CLIP2: variants seen among roughly 807,000 people sequenced by gnomAD.
The protein encoded by CLIP2 is CAP-Gly domain-containing linker protein 2.
A neutral mutation model predicts 111.7 loss-of-function variants in CLIP2; 41 were observed. That is an observed-to-expected ratio of 0.37 (90% confidence interval 0.29 to 0.48). The LOEUF (loss-of-function observed/expected upper bound fraction) is 0.48, where lower values mean the gene tolerates loss of function less well. Among genes scored for constraint, CLIP2 ranks in the 20% least tolerant of loss-of-function variants. CLIP2 has a pLI of 0.99. For synonymous variants in CLIP2, 660 were observed against 644.2 expected (o/e 1.02, Z -0.37); for missense variants, 1,160 against 1,422.1 (o/e 0.82, Z 2.96).
chr7:74,343,433 C>T (rs1235300121), intron 3 of CLIP2, among the ~76,000 whole-genome samples: 2 of 152,086 alleles, frequency 1.3e-5, no homozygotes, highest in African/African-American at 4.8e-5. Context: ...GGGGTGGGTA[C>T]AGCAGGGAAA....
At chr7:74,358,355 T>C (rs1790209286) in intron 6 of CLIP2, among the ~76,000 whole-genome samples, 1 of 151,922 alleles carries the variant, frequency 6.6e-6, no homozygotes, top group South Asian at 2.1e-4. Context: ...CCAGCCCTGC[T>C]TTTTTATTTT....
intron 12 of CLIP2, among the ~76,000 whole-genome samples, 161 bp downstream of exon 12, chr7:74,386,765 G>A (rs556419738): frequency 3.5e-4 from 53 of 152,200 alleles, no homozygotes; most frequent in African/African-American, 1.2e-3. Context: ...GCTCGCGCCT[G>A]TAATCCCAGC....
In CLIP2 at chr7:74,334,273, C is replaced by T. The variant is rs186405687; in HGVS notation, c.122-4175C>T. Among the ~76,000 whole-genome samples, 27 of 152,258 alleles carry T rather than the reference C, an allele frequency of 1.8e-4. No homozygotes were observed. In the East Asian group the frequency reaches 4.4e-3, roughly 25 times the overall value. ...CTGTGATGCGGGGGCAGCCGAGAGT[C>T]CCACTACTCAGAGGAAGAATGAAGC... On this transcript the variant is annotated intron_variant, in intron 2 of 16. Transcript: ENST00000223398.
intron 8 of CLIP2, 98 bp from the exon 9 acceptor site, chr7:74,372,834 C>G: frequency 1.6e-6 from 1 of 634,206 alleles, no homozygotes; most frequent in African/African-American, 1.8e-5. Context: ...CTCTCTCTCT[C>G]TCTCTCTTTC....
chr7:74,354,184 C>G (rs922401610), intron 4 of CLIP2, among the ~76,000 whole-genome samples, 180 bp downstream of exon 4: 20 of 152,254 alleles, frequency 1.3e-4, no homozygotes, highest in Admixed American at 1.3e-3. Context: ...GATTATCATC[C>G]CATTTTACAG....
rs1353339709 is a variant in CLIP2, at chr7:74,362,636, G to A, written c.1320-1619G>A. 2.7e-5 allele frequency among the ~76,000 whole-genome samples: 4 copies of A among 146,070 alleles called. No individual in the cohort carries two copies. In the East Asian group the frequency reaches 6.3e-4, roughly 23 times the overall value. On this transcript the variant is annotated intron_variant, in intron 7 of 16. Coordinates refer to ENST00000223398, the MANE Select transcript of CLIP2 (RefSeq NM_003388.5). ...CTGCAACCTCCACCTCCAGGTTCAAGCAATTCTCCTGCCTCAGCCTCCCAA... is the reference window on the plus strand; with the variant it reads ...CTGCAACCTCCACCTCCAGGTTCAAACAATTCTCCTGCCTCAGCCTCCCAA...
At chr7:74,317,688 G>A (rs373451675) in intron 2 of CLIP2, 21 bp downstream of exon 2, 1 of 1,421,562 alleles carries the variant, frequency 7.0e-7, no homozygotes, top group Non-Finnish European at 9.2e-7. Context: ...CACCAAGGAT[G>A]GGGGGTGAGG....
chr7:74,302,884 G>A (rs1164513912), intron 1 of CLIP2, among the ~76,000 whole-genome samples: 3 of 152,226 alleles, frequency 2.0e-5, no homozygotes, highest in African/African-American at 4.8e-5. Context: ...GCCAATGGGT[G>A]CTCTCAGGGC....
intron 2 of CLIP2, among the ~76,000 whole-genome samples, chr7:74,336,847 GTTTGT>G (rs1564048897): frequency 2.1e-4 from 5 of 23,544 alleles, no homozygotes; most frequent in African/African-American, 3.6e-4. Flanking sequence ...TACTATGGTT[GTTTGT>G]TTTTTTTGTT....
At chr7:74,319,256 T>C (rs1258305877) in intron 2 of CLIP2, among the ~76,000 whole-genome samples, 1 of 152,168 alleles carries the variant, frequency 6.6e-6, no homozygotes, top group Non-Finnish European at 1.5e-5. Flanking sequence ...CTCATGCCTG[T>C]AATCCCAGCA....
chr7:74,342,770 G>A (rs1198658729), intron 3 of CLIP2, among the ~76,000 whole-genome samples: 1 of 152,144 alleles, frequency 6.6e-6, no homozygotes, highest in Non-Finnish European at 1.5e-5. Context: ...CATGGTGGCC[G>A]GGCGCGGTGG....
intron 2 of CLIP2, among the ~76,000 whole-genome samples, chr7:74,318,232 A>C (rs1371145677): frequency 2.0e-5 from 3 of 152,024 alleles, no homozygotes; most frequent in African/African-American, 7.2e-5. Flanking sequence ...TCATGCGTAC[A>C]GAAGAGGGAG....
chr7:74,323,677 C>T (rs763906501), intron 2 of CLIP2, among the ~76,000 whole-genome samples: 2 of 152,258 alleles, frequency 1.3e-5, no homozygotes, highest in South Asian at 2.1e-4. Context: ...CTGCCTGCCT[C>T]GGCCTCCCAA....
At position 74,400,539 on chromosome 7, in the gene CLIP2, G is replaced by T; in HGVS notation, c.3050G>T (p.Cys1017Phe). ...AAGCTGATGGAGGCCATGAGGAGCT[G>T]CCCTGACAAGGCCCAGGTGAGCCGC... Reference protein sequence around the residue: ...VEKLMEAMRSCPDKAQTIGNS... With the variant: ...VEKLMEAMRSFPDKAQTIGNS... The change falls in exon 15 of 17, where the codon TGC becomes TTC. Residue 1017 changes from cysteine (C) to phenylalanine (F), a missense_variant. This residue lies in a region of CLIP2 where 676 missense variants were observed against 777.8 expected (regional missense o/e 0.87). Transcript: ENST00000223398. 6.3e-7 allele frequency: 1 copy of T among 1,587,366 alleles called. No individual in the cohort carries two copies. Among genetic ancestry groups the T allele is most frequent in the East Asian group, 2.3e-5 (1 of 43,346 alleles).
At chr7:74,392,360 AAAAAG>A (rs1791315844) in intron 13 of CLIP2, among the ~76,000 whole-genome samples, 1 of 149,804 alleles carries the variant, frequency 6.7e-6, no homozygotes, top group Admixed American at 6.7e-5. Context: ...CAAAAAAAAA[AAAAAG>A]AAAAGGAAAG....
At chr7:74,383,375 T>C (rs1404274482) in intron 11 of CLIP2, among the ~76,000 whole-genome samples, 1 of 152,222 alleles carries the variant, frequency 6.6e-6, no homozygotes, top group Non-Finnish European at 1.5e-5. Context: ...TCTGGACTTT[T>C]GTTCTATTCC....
intron 8 of CLIP2, among the ~76,000 whole-genome samples, chr7:74,365,260 C>T (rs1274951810): frequency 6.6e-6 from 1 of 152,030 alleles, no homozygotes; most frequent in East Asian, 1.9e-4. Context: ...ACAGAGACCC[C>T]CCTGTGCCAG....
At chr7:74,391,037 G>A (rs1005356672) in intron 13 of CLIP2, among the ~76,000 whole-genome samples, 4 of 151,828 alleles carry the variant, frequency 2.6e-5, no homozygotes, top group Admixed American at 1.3e-4. Flanking sequence ...CAACAAGAGC[G>A]AAACTCCATC....
intron 7 of CLIP2, among the ~76,000 whole-genome samples, chr7:74,363,765 G>A (rs1301557319): frequency 2.0e-5 from 3 of 151,922 alleles, no homozygotes; most frequent in Admixed American, 2.0e-4. Flanking sequence ...GCCCAGTGAT[G>A]TATGCCTGTA....
Sources: allele counts gnomAD v4.1 joint callset (sites outside exome capture counted in the v4.1 genomes callset), GRCh38; gene constraint gnomAD v4.1.1; regional missense constraint gnomAD v4.1.1; transcripts MANE v1.5; gene names NCBI Gene and HGNC (gene_info 2026-07-23, HGNC 2026-07-21).